NRF1: variants seen among roughly 807,000 people sequenced by gnomAD.
NRF1 encodes the protein nuclear respiratory factor 1.
In NRF1, 5 loss-of-function variants were observed where a neutral mutation model predicts 58.5. That is an observed-to-expected ratio of 0.09 (90% CI 0.04 to 0.18). The LOEUF is 0.18. Among genes scored for constraint, NRF1 ranks in the 10% least tolerant of loss-of-function variants. The pLI is 1.00. For synonymous variants in NRF1, 224 were observed against 246.7 expected, an observed-to-expected ratio of 0.91 and a Z score of 0.86; for missense variants, 288 against 657.7, an observed-to-expected ratio of 0.44 and a Z score of 6.15.
At chr7:129,620,569 G>T (rs1196585925) in intron 1 of NRF1, among the ~76,000 whole-genome samples, 1 of 151,968 alleles carries the variant, frequency 6.6e-6, no homozygotes, top group Non-Finnish European at 1.5e-5. Flanking sequence ...TTTATTTTTA[G>T]TAGAGATGGG....
intron 1 of NRF1, among the ~76,000 whole-genome samples, chr7:129,617,598 G>A (rs911207502): frequency 2.0e-5 from 3 of 152,236 alleles, no homozygotes; most frequent in Admixed American, 2.0e-4. Flanking sequence ...AGGTGCTAGA[G>A]TAACAAATCT....
Position 129,656,851 on chromosome 7 carries a change from A to G in NRF1, c.-6-495A>G, listed in dbSNP as rs184001267. The stretch of plus-strand genomic sequence containing the variant: ...CTGGGCCTCCCAAAGTGCTGGGACT[A>G]CAGGCACTTGCCGCCATGCCCTCAA... On this transcript the variant is annotated intron_variant, in intron 1 of 10. Coordinates refer to ENST00000393232, the MANE Select transcript of NRF1 (RefSeq NM_005011.5). Among the ~76,000 whole-genome samples the G allele has an allele frequency of 9.5e-3, 1,449 of 152,360 alleles. 15 individuals are homozygous for G. Among genetic ancestry groups the G allele is most frequent in the Middle Eastern group, 0.037 (11 of 294 alleles).
At chr7:129,690,356 C>A in intron 4 of NRF1, 50 bp from the exon 5 acceptor site, 1 of 1,584,220 alleles carries the variant, frequency 6.3e-7, no homozygotes, top group Non-Finnish European at 8.6e-7. Context: ...GGCACCAATC[C>A]TCCCTGGTTG....
At chr7:129,668,172 T>C (rs1198655022) in intron 2 of NRF1, among the ~76,000 whole-genome samples, 1 of 152,242 alleles carries the variant, frequency 6.6e-6, no homozygotes, top group Non-Finnish European at 1.5e-5. Context: ...CAGCATCATA[T>C]ATTTAATAGC....
rs1169433491 is a variant in NRF1 at position 129,742,523 on chromosome 7, T to C, written c.1349-12495T>C. ...ACACTGCATTGCTCTCACATGCTGATAGTTTCTCATGCAGAGGCCTGGTGG... is the reference window on the plus strand; with the variant it reads ...ACACTGCATTGCTCTCACATGCTGACAGTTTCTCATGCAGAGGCCTGGTGG... On this transcript the variant is annotated intron_variant, in intron 10 of 10. Coordinates refer to ENST00000393232, the MANE Select transcript of NRF1 (RefSeq NM_005011.5). 3.3e-5 allele frequency among the ~76,000 whole-genome samples: 5 copies of C among 152,326 alleles called. No individual in the cohort carries two copies. In the South Asian group the frequency reaches 1.0e-3, roughly 32 times the overall value.
rs185329722 is a variant in NRF1, at chr7:129,696,032, G to A, written c.606+5486G>A. On this transcript the variant is annotated intron_variant, in intron 5 of 10. Coordinates refer to ENST00000393232, the MANE Select transcript of NRF1 (RefSeq NM_005011.5). Reference sequence around the variant, plus strand: ...GAGGTCAGGAGTTCGAGACCAGCCTGACCAACATGGATAAACCCCGTCTCT... The same window carrying A: ...GAGGTCAGGAGTTCGAGACCAGCCTAACCAACATGGATAAACCCCGTCTCT... Among the ~76,000 whole-genome samples, 1,044 of 119,182 alleles carry A rather than the reference G, an allele frequency of 8.8e-3. 14 individuals carry two copies. Among genetic ancestry groups the A allele is most frequent in the African/African-American group, 0.032 (993 of 31,304 alleles). 78.2% of individuals were successfully genotyped at this position (119,182 alleles called of 152,430 possible).
intron 1 of NRF1, among the ~76,000 whole-genome samples, chr7:129,625,305 T>C (rs996377712): frequency 4.6e-5 from 7 of 152,174 alleles, no homozygotes; most frequent in Non-Finnish European, 8.8e-5. Context: ...CTAAGGACGC[T>C]TTCTTCAAGT....
At chr7:129,696,442 T>C (rs994420530) in intron 5 of NRF1, among the ~76,000 whole-genome samples, 5 of 152,190 alleles carry the variant, frequency 3.3e-5, no homozygotes, top group East Asian at 1.9e-4. Flanking sequence ...TAATCCACCT[T>C]TCTGTGTGTG....
At chr7:129,624,679 T>TTAG (rs1800875329) in intron 1 of NRF1, among the ~76,000 whole-genome samples, 1 of 151,896 alleles carries the variant, frequency 6.6e-6, no homozygotes, top group Non-Finnish European at 1.5e-5. Flanking sequence ...CTGAGCCTTT[T>TTAG]TATTATTATT....
intron 10 of NRF1, among the ~76,000 whole-genome samples, chr7:129,730,902 A>G (rs906368799): frequency 2.6e-5 from 4 of 151,890 alleles, no homozygotes; most frequent in African/African-American, 9.7e-5. Context: ...GCTAGAGCCC[A>G]GGAAGTCAAA....
chr7:129,751,701 CTGAA>C (rs1804120445), intron 10 of NRF1, among the ~76,000 whole-genome samples: 1 of 152,226 alleles, frequency 6.6e-6, no homozygotes, highest in African/African-American at 2.4e-5. Context: ...GCTTTTGGAA[CTGAA>C]TGGAGCCCAG....
chr7:129,667,992 T>A (rs1183357091), intron 2 of NRF1, among the ~76,000 whole-genome samples: 2 of 152,262 alleles, frequency 1.3e-5, no homozygotes, highest in African/African-American at 4.8e-5. Context: ...CTTGAACTCC[T>A]GGCCTCAAGC....
chr7:129,704,845 C>G (rs77803472), intron 5 of NRF1, among the ~76,000 whole-genome samples: 6,485 of 152,282 alleles, frequency 0.043, 169 homozygotes, highest in Middle Eastern at 0.12. Context: ...TAGGGATGCT[C>G]AATCTCTCCA....
intron 5 of NRF1, among the ~76,000 whole-genome samples, chr7:129,704,450 C>T (rs1271128266): frequency 1.3e-5 from 2 of 152,020 alleles, no homozygotes; most frequent in Admixed American, 1.3e-4. Context: ...CCTATTTTCC[C>T]TGATTTAAAA....
At chr7:129,738,501 T>C (rs1477289439) in intron 10 of NRF1, among the ~76,000 whole-genome samples, 7 of 152,234 alleles carry the variant, frequency 4.6e-5, no homozygotes, top group Non-Finnish European at 7.3e-5. Context: ...GATGAATCGT[T>C]TTCATTCTGG....
chr7:129,682,486 C>T (rs1802339905), intron 4 of NRF1, among the ~76,000 whole-genome samples: 1 of 151,186 alleles, frequency 6.6e-6, no homozygotes, highest in African/African-American at 2.4e-5. Context: ...AACAAAAAAA[C>T]CCCGCAATGA....
At chr7:129,730,115 G>A (rs1459334557) in intron 10 of NRF1, among the ~76,000 whole-genome samples, 1 of 152,182 alleles carries the variant, frequency 6.6e-6, no homozygotes, top group Non-Finnish European at 1.5e-5. Context: ...GTAAGCCACT[G>A]TGCCGGGCCT....
At chr7:129,724,701 C>G (rs1252834973) in intron 9 of NRF1, among the ~76,000 whole-genome samples, 1 of 152,200 alleles carries the variant, frequency 6.6e-6, no homozygotes, top group East Asian at 1.9e-4. Flanking sequence ...GAAATTCTGA[C>G]AAATGCTACG....
At chr7:129,708,152 C>T (rs1310024539) in intron 5 of NRF1, among the ~76,000 whole-genome samples, 5 of 152,130 alleles carry the variant, frequency 3.3e-5, no homozygotes, top group African/African-American at 1.2e-4. Context: ...ATCTGGAGTG[C>T]TATAGACCAC....
Sources: allele counts gnomAD v4.1 joint callset (sites outside exome capture counted in the v4.1 genomes callset), GRCh38; gene constraint gnomAD v4.1.1; transcripts MANE v1.5; gene names NCBI Gene and HGNC (gene_info 2026-07-23, HGNC 2026-07-21).